Variants in DLX1 observed in about 807,000 individuals in gnomAD.
DLX1 encodes homeobox protein DLX-1.
A neutral mutation model predicts 25.0 loss-of-function variants in DLX1; 7 were observed. The ratio of observed to expected loss-of-function variants is 0.28; its 90% confidence interval spans 0.16 to 0.52. The LOEUF (loss-of-function observed/expected upper bound fraction) is 0.52, where lower values mean the gene tolerates loss of function less well. DLX1 is among the 20% of genes least tolerant of loss of function. The pLI, the probability that DLX1 is intolerant of heterozygous loss-of-function variation, is 0.96. For missense variants in DLX1, 233 were observed against 334.4 expected, an observed-to-expected ratio of 0.70 and a Z score of 2.37; for synonymous variants, 155 against 140.3, an observed-to-expected ratio of 1.10 and a Z score of -0.74.
Position 172,088,179 on chromosome 2 carries a change from G to A in DLX1, c.690G>A (p.Ala230=). The part of the protein sequence containing the change: ...SSSGKGSGGN[A]GSYIPSYTSW... ...CCGGGAAGGGCTCAGGAGGAAACGC[G>A]GGCTCCTATATCCCCAGCTACACAT... The change falls in exon 3 of 3, where the codon GCG becomes GCA. Residue 230 remains alanine (A), a synonymous_variant. Transcript: ENST00000361725. 2.5e-6 allele frequency: 4 copies of A among 1,609,476 alleles called. No individual in the cohort carries two copies. The highest frequency in any genetic ancestry group is 1.7e-4 in the Middle Eastern group (1 of 6,046).
Position 172,087,254 on chromosome 2 carries a change from C to T in DLX1, c.513+401C>T, listed in dbSNP as rs146431909. On this transcript the variant is annotated intron_variant, in intron 2 of 2. Transcript: ENST00000361725. ...CTGGGTCCGCGCCTCAGCCTCCCTC[C>T]TCCTCCTCCTTCTTACCGGTTGGGG... 1.3e-3 allele frequency: 529 copies of T among 396,178 alleles called. 4 individuals are homozygous for T. Among genetic ancestry groups the T allele is most frequent in the African/African-American group, 1.0e-2 (481 of 48,124 alleles). The allele number at this position is 396,178 out of a possible 1,614,324, so 24.5% of individuals were successfully genotyped here. A position where few individuals can be genotyped will look rare whatever the true frequency, so the allele number is the denominator to read the frequency against.
intron 1 of DLX1, 75 bp downstream of exon 1, chr2:172,086,065 G>C: frequency 7.7e-7 from 1 of 1,296,808 alleles, no homozygotes; most frequent in African/African-American, 1.5e-5. Flanking sequence ...GGGGAGAAGA[G>C]GAGAGGGAGA....
At position 172,088,239 on chromosome 2, in the gene DLX1, G is replaced by A. The variant is rs1474018710; in HGVS notation, c.750G>A (p.Gln250=). ...WYPSAHQEAM[Q]QPQLM ...CTTCAGCGCACCAAGAAGCTATGCA[G>A]CAACCCCAACTTATGTGAGGTTGCC... The change falls in exon 3 of 3, where the codon CAG becomes CAA. Residue 250 remains glutamine, a synonymous_variant. Transcript: ENST00000361725. The A allele has an allele frequency of 3.1e-5, 47 of 1,522,364 alleles. No homozygotes were observed. Among genetic ancestry groups the A allele is most frequent in the Middle Eastern group, 1.7e-4 (1 of 5,720 alleles). The allele number at this position is 1,522,364 out of a possible 1,614,324, so 94.3% of individuals were successfully genotyped here. A position where few individuals can be genotyped will look rare whatever the true frequency, so the allele number is the denominator to read the frequency against.
chr2:172,085,926 C>T lies in DLX1; in HGVS notation c.249C>T (p.Tyr83=). 6.2e-7 allele frequency: 1 copy of T among 1,614,198 alleles called. No individual in the cohort carries two copies. Among genetic ancestry groups the T allele is most frequent in the Non-Finnish European group, 8.5e-7 (1 of 1,180,038 alleles). The change falls in exon 1 of 3, where the codon TAC becomes TAT. Residue 83 remains tyrosine, a synonymous_variant. Coordinates refer to ENST00000361725, the MANE Select transcript of DLX1 (RefSeq NM_178120.5). The surrounding 1 kb of genome is among the most constrained non-coding windows in gnomAD (Gnocchi z 4.3). The part of the protein sequence containing the change: ...NSVSSHASSP[Y]ISSVQSYPGS... The stretch of plus-strand genomic sequence containing the variant: ...TCAGCAGCCACGCATCCAGCCCCTA[C>T]ATCAGTTCGGTGCAGTCCTACCCGG...
At chr2:172,086,080 G>A in intron 1 of DLX1, 90 bp downstream of exon 1, 1 of 556,868 alleles carries the variant, frequency 1.8e-6, no homozygotes. Context: ...GGGAGAGAGA[G>A]AGAAAGAGAA....
chr2:172,085,664 C>T lies in DLX1; in HGVS notation c.-14C>T. 1.9e-6 allele frequency: 3 copies of T among 1,607,134 alleles called. No individual in the cohort carries two copies. Among genetic ancestry groups the T allele is most frequent in the Non-Finnish European group, 2.6e-6 (3 of 1,176,402 alleles). On this transcript the variant is annotated 5_prime_UTR_variant, in exon 1 of 3. Transcript: ENST00000361725. This position sits in a 1 kb window ranked among gnomAD's most constrained non-coding sequence, Gnocchi z 4.3. ...GAGGAGAGAAAGTCCCACACCCAGA[C>T]CCCGCGAGAAGAGATGACCATGACC...
Position 172,085,751 on chromosome 2 carries a change from C to A in DLX1, c.74C>A (p.Pro25Gln), listed in dbSNP as rs761445680. ...AAGGCGGTGTTTATGGAGTTTGGGC[C>A]GCCCAACCAGCAAATGTCTCCTTCT... ...SGKAVFMEFG[P>Q]PNQQMSPSPM... Residue 25 changes from proline (P) to glutamine (Q), a missense_variant, in exon 1 of 3, where the codon CCG (proline) becomes CAG (glutamine). Around this residue, in one of 3 missense-constraint regions of DLX1, gnomAD observed 126 missense variants for 170.4 expected, o/e 0.74. Transcript: ENST00000361725. The surrounding 1 kb of genome is among the most constrained non-coding windows in gnomAD (Gnocchi z 4.3). 2 of 1,614,144 alleles carry A rather than the reference C, an allele frequency of 1.2e-6. No individual in the cohort carries two copies. The highest frequency in any genetic ancestry group is 2.2e-5 in the South Asian group (2 of 91,070).
rs1168016460 is a variant in DLX1 at position 172,086,671 on chromosome 2, A to G, written c.331A>G (p.Ser111Gly). 1.3e-6 allele frequency: 2 copies of G among 1,541,546 alleles called. No individual in the cohort carries two copies. The highest frequency in any genetic ancestry group is 1.7e-6 in the Non-Finnish European group (2 of 1,143,406). Residue 111 changes from serine to glycine, a missense_variant, in exon 2 of 3, where the codon AGC becomes GGC. Ser to Gly is a moderately conservative substitution (Grantham distance 56). Transcript: ENST00000361725. Reference protein sequence around the residue: ...LEDPGADSEKSTVVEGGEVRF... With the variant: ...LEDPGADSEKGTVVEGGEVRF... ...CCCTCCAGGGGCGGACTCGGAGAAGAGCACGGTGGTGGAAGGCGGTGAAGT... is the reference window on the plus strand; with the variant it reads ...CCCTCCAGGGGCGGACTCGGAGAAGGGCACGGTGGTGGAAGGCGGTGAAGT...
In DLX1 at chr2:172,088,083, G is replaced by T; in HGVS notation, c.594G>T (p.Ala198=). The T allele has an allele frequency of 2.5e-6, 4 of 1,590,632 alleles. No individual in the cohort carries two copies. The highest frequency in any genetic ancestry group is 3.4e-6 in the Non-Finnish European group (4 of 1,168,674). The change falls in exon 3 of 3, where the codon GCG becomes GCT. Residue 198 remains alanine (A), a synonymous_variant. Coordinates refer to ENST00000361725, the MANE Select transcript of DLX1 (RefSeq NM_178120.5). ...GTGGGGCGGCTCTGGAGGGTAGTGCGTTGGCCAACGGTCGGGCCCTGTCTG... is the reference window on the plus strand; with the variant it reads ...GTGGGGCGGCTCTGGAGGGTAGTGCTTTGGCCAACGGTCGGGCCCTGTCTG... ...KQGGAALEGS[A]LANGRALSAG...
chr2:172,088,165 T>C lies in DLX1; in HGVS notation c.676T>C (p.Ser226Pro). 1 of 1,610,280 alleles carries C rather than the reference T, an allele frequency of 6.2e-7. No individual in the cohort carries two copies. The highest frequency in any genetic ancestry group is 8.5e-7 in the Non-Finnish European group (1 of 1,178,048). Residue 226 changes from serine to proline, a missense_variant, in exon 3 of 3, where the codon TCA becomes CCA. Physicochemically the swap from Ser to Pro is moderately conservative, Grantham distance 74. This residue lies in a region of DLX1 where 84 missense variants were observed against 81.8 expected (regional missense o/e 1.03). Transcript: ENST00000361725. Reference sequence around the variant, plus strand: ...CCCTAACTCTTCATCCGGGAAGGGCTCAGGAGGAAACGCGGGCTCCTATAT... The same window carrying C: ...CCCTAACTCTTCATCCGGGAAGGGCCCAGGAGGAAACGCGGGCTCCTATAT... ...WNPNSSSGKG[S>P]GGNAGSYIPS...
At chr2:172,087,014 T>G in intron 2 of DLX1, 161 bp downstream of exon 2, 28 of 759,686 alleles carry the variant, frequency 3.7e-5, no homozygotes, top group East Asian at 8.2e-5. Context: ...TCCTCCCTCA[T>G]TCCCTCTGCC....
At chr2:172,087,471 T>C in intron 2 of DLX1, 1 of 456,046 alleles carries the variant, frequency 2.2e-6, no homozygotes, top group South Asian at 1.6e-5. Context: ...CAGACACTAG[T>C]GCAAGAATGG....
intron 1 of DLX1, chr2:172,086,365 A>G (rs1321471981): frequency 2.1e-6 from 1 of 480,908 alleles, no homozygotes; most frequent in Non-Finnish European, 3.7e-6. Flanking sequence ...AGCGCTATAA[A>G]CAATGTATGC....
chr2:172,086,561 C>T, intron 1 of DLX1, 93 bp from the exon 2 acceptor site: 3 of 1,272,844 alleles, frequency 2.4e-6, no homozygotes, highest in South Asian at 1.5e-5. Flanking sequence ...GGTGCTGCCT[C>T]CGCCACCCTT....
rs1206900349 is a variant in DLX1, at chr2:172,089,260, T to A, written c.*1003T>A. ...CAAGCACTCTAATTCCAGTGGGCTT[T>A]AAAATAAGACAAAATCAGCTTTACA... On this transcript the variant is annotated 3_prime_UTR_variant, in exon 3 of 3. Transcript: ENST00000361725. 1 of 152,162 alleles carries A rather than the reference T, an allele frequency of 6.6e-6. No homozygotes were observed. The highest frequency in any genetic ancestry group is 1.5e-5 in the Non-Finnish European group (1 of 68,038). The allele number at this position is 152,162 out of a possible 1,614,324, so 9.4% of individuals were successfully genotyped here. A position where few individuals can be genotyped will look rare whatever the true frequency, so the allele number is the denominator to read the frequency against.
Position 172,089,146 on chromosome 2 carries a change from G to A in DLX1, c.*889G>A, listed in dbSNP as rs547676012. The A allele has an allele frequency of 6.6e-6, 1 of 152,266 alleles. No individual in the cohort carries two copies. The highest frequency in any genetic ancestry group is 2.4e-5 in the African/African-American group (1 of 41,550). The allele number at this position is 152,266 out of a possible 1,614,324, so 9.4% of individuals were successfully genotyped here. A position where few individuals can be genotyped will look rare whatever the true frequency, so the allele number is the denominator to read the frequency against. On this transcript the variant is annotated 3_prime_UTR_variant, in exon 3 of 3. Transcript: ENST00000361725. Reference sequence around the variant, plus strand: ...ATTTCGGGAGGAACTCTGTTGCTTCGCCTGGACAAGAAGGAAAATGCTGAT... The same window carrying A: ...ATTTCGGGAGGAACTCTGTTGCTTCACCTGGACAAGAAGGAAAATGCTGAT...
Position 172,085,682 on chromosome 2 carries a change from C to G in DLX1, c.5C>G (p.Thr2Ser). The change falls in exon 1 of 3, where the codon ACC becomes AGC. Residue 2 changes from threonine (T) to serine (S), a missense_variant. Physicochemically the swap from Thr to Ser is moderately conservative, Grantham distance 58. Around this residue, in one of 3 missense-constraint regions of DLX1, gnomAD observed 126 missense variants for 170.4 expected, o/e 0.74. Transcript: ENST00000361725. The surrounding 1 kb of genome is among the most constrained non-coding windows in gnomAD (Gnocchi z 4.3). ...ACCCAGACCCCGCGAGAAGAGATGA[C>G]CATGACCACCATGCCAGAAAGTCTC... MTMTTMPESLNS... is the reference protein window; with the variant it reads MSMTTMPESLNS... 1 of 1,612,878 alleles carries G rather than the reference C, an allele frequency of 6.2e-7. No individual in the cohort carries two copies. Among genetic ancestry groups the G allele is most frequent in the Non-Finnish European group, 8.5e-7 (1 of 1,179,300 alleles).
intron 2 of DLX1, among the ~76,000 whole-genome samples, chr2:172,087,751 A>G (rs1182036266): frequency 6.7e-6 from 1 of 149,286 alleles, no homozygotes; most frequent in Non-Finnish European, 1.5e-5. Flanking sequence ...TCCCCTCATC[A>G]CAACTCCTCC....
intron 2 of DLX1, chr2:172,087,583 C>T (rs1472559185): frequency 4.3e-6 from 2 of 470,134 alleles, no homozygotes; most frequent in Non-Finnish European, 4.2e-6. Context: ...GGTCGCGTTG[C>T]AAATAAATTT....
Sources: gnomAD v4.1 joint callset for allele counts (sites outside exome capture counted in the v4.1 genomes callset) on GRCh38, gnomAD v4.1.1 for gene constraint, gnomAD v4.1.1 regional missense constraint, Gnocchi (gnomAD v3.1) non-coding constraint, MANE v1.5 for transcripts, NCBI Gene and HGNC (gene_info 2026-07-23, HGNC 2026-07-21) for gene names.